HEATR1: variants seen among roughly 807,000 people sequenced by gnomAD.
The protein encoded by HEATR1 is HEAT repeat-containing protein 1.
In HEATR1, 77 loss-of-function variants were observed where a neutral mutation model predicts 248.2. The ratio of observed to expected loss-of-function variants is 0.31; its 90% confidence interval spans 0.26 to 0.37. The LOEUF is 0.37. HEATR1 is among the 10% of genes least tolerant of loss of function. The pLI, the probability that HEATR1 is intolerant of heterozygous loss-of-function variation, is 1.00. For missense variants in HEATR1, 2,420 were observed against 2,504.9 expected, an observed-to-expected ratio of 0.97 and a Z score of 0.72; for synonymous variants, 897 against 923.1, an observed-to-expected ratio of 0.97 and a Z score of 0.51.
At chr1:236,582,949 T>G in intron 18 of HEATR1, 64 bp downstream of exon 18, 1 of 1,604,576 alleles carries the variant, frequency 6.2e-7, no homozygotes, top group Non-Finnish European at 8.5e-7. Flanking sequence ...AGACAGTCAT[T>G]GTGGAGTCAA....
chr1:236,591,309 CATGAT>C (rs1175192948), intron 11 of HEATR1, among the ~76,000 whole-genome samples: 2 of 152,114 alleles, frequency 1.3e-5, no homozygotes, highest in Admixed American at 6.6e-5. Flanking sequence ...AACTCATCTA[CATGAT>C]ATAACAAATA....
intron 4 of HEATR1, among the ~76,000 whole-genome samples, 173 bp downstream of exon 4, chr1:236,599,310 T>G (rs937616473): frequency 5.3e-5 from 8 of 152,160 alleles, no homozygotes; most frequent in African/African-American, 1.9e-4. Context: ...AGATACTAAA[T>G]AAAAGCTAAA....
intron 9 of HEATR1, 98 bp downstream of exon 9, chr1:236,593,914 A>G: frequency 1.3e-6 from 1 of 749,506 alleles, no homozygotes; most frequent in Non-Finnish European, 2.3e-6. Flanking sequence ...AACAAGATAT[A>G]CATTAAAAAG....
chr1:236,578,498 A>G (rs1202430405), intron 20 of HEATR1, among the ~76,000 whole-genome samples: 4 of 152,214 alleles, frequency 2.6e-5, no homozygotes, highest in African/African-American at 9.6e-5. Flanking sequence ...TCTGCTGTCA[A>G]TCAGGATTAC....
chr1:236,601,961 C>A (rs1664337076), intron 3 of HEATR1, among the ~76,000 whole-genome samples: 1 of 104,570 alleles, frequency 9.6e-6, no homozygotes, highest in Admixed American at 1.0e-4. Flanking sequence ...GAAACCCCAT[C>A]TTTACTAAAA....
Position 236,599,601 on chromosome 1 carries a change from T to G in HEATR1, c.383A>C (p.Gln128Pro), listed in dbSNP as rs146181190. 1.2e-6 allele frequency: 2 copies of G among 1,612,852 alleles called. No individual in the cohort carries two copies. The highest frequency in any genetic ancestry group is 4.5e-5 in the East Asian group (2 of 44,822). Residue 128 changes from glutamine to proline, a missense_variant, in exon 4 of 45, where the codon CAA becomes CCA. By Grantham distance (76) the Gln-to-Pro change is moderately conservative (BLOSUM62 -1). Transcript: ENST00000366582. ...IHRFHIHLYN[Q>P]DSLIACVLPY... ...CAGAACACAAGCAATGAGGCTATCT[T>G]GATTATAGAGATGTATATGGAACCT...
rs766193029 is a variant in HEATR1 at position 236,574,285 on chromosome 1, TCTG to T, written c.3373_3375del (p.Gln1125del). 1 of 1,612,578 alleles carries T rather than the reference TCTG, an allele frequency of 6.2e-7. No individual in the cohort carries two copies. Among genetic ancestry groups the T allele is most frequent in the South Asian group, 1.1e-5 (1 of 90,838 alleles). On this transcript the variant is annotated inframe_deletion, in exon 24 of 45. Coordinates refer to ENST00000366582, the MANE Select transcript of HEATR1 (RefSeq NM_018072.6). Reference sequence around the variant, plus strand: ...AAATCAAACAACATTCTTAAAAGCTTCTGCTGAACTTTTTCATCTGATATGGCT... The same window carrying T: ...AAATCAAACAACATTCTTAAAAGCTTCTGAACTTTTTCATCTGATATGGCT...
chr1:236,600,118 ATTTTT>A (rs67344658), intron 3 of HEATR1, among the ~76,000 whole-genome samples: 46 of 50,322 alleles, frequency 9.1e-4, no homozygotes, highest in African/African-American at 3.3e-3. Flanking sequence ...GTCTGTCAAC[ATTTTT>A]TTTTTTTTTT....
chr1:236,574,098 TG>T (rs1331274479), intron 24 of HEATR1, 103 bp downstream of exon 24: 3 of 982,206 alleles, frequency 3.1e-6, no homozygotes, highest in Non-Finnish European at 4.3e-6. Flanking sequence ...TGGTAACATC[TG>T]ACCTCTTACA....
At chr1:236,559,686 G>T (rs1663071199) in intron 34 of HEATR1, 28 bp downstream of exon 34, 4 of 1,568,388 alleles carry the variant, frequency 2.6e-6, no homozygotes, top group Non-Finnish European at 3.5e-6. Flanking sequence ...CAACAAAACA[G>T]TAATTCCAGG....
intron 23 of HEATR1, 31 bp downstream of exon 23, chr1:236,574,630 T>C (rs369928819): frequency 4.9e-5 from 78 of 1,599,264 alleles, no homozygotes; most frequent in Non-Finnish European, 6.1e-5. Flanking sequence ...TTGAACATGC[T>C]ATGCCTTAGT....
intron 9 of HEATR1, among the ~76,000 whole-genome samples, chr1:236,593,618 T>C (rs1472483874): frequency 6.7e-6 from 1 of 149,242 alleles, no homozygotes; most frequent in Non-Finnish European, 1.5e-5. Flanking sequence ...GACTGAATTA[T>C]CTTTAAAGAA....
chr1:236,568,886 A>T (rs948442892), intron 29 of HEATR1, 110 bp downstream of exon 29: 11 of 377,734 alleles, frequency 2.9e-5, no homozygotes, highest in African/African-American at 4.8e-5. Context: ...TGAGGATATT[A>T]AAAAAAAAAA....
intron 3 of HEATR1, among the ~76,000 whole-genome samples, chr1:236,600,504 T>C (rs1423956782): frequency 1.3e-5 from 2 of 151,902 alleles, no homozygotes; most frequent in African/African-American, 2.4e-5. Context: ...ATCGTGTACT[T>C]TTTTTAAACA....
chr1:236,551,959 T>C (rs1190279633), intron 44 of HEATR1, 40 bp downstream of exon 44: 9 of 1,300,576 alleles, frequency 6.9e-6, no homozygotes, highest in Non-Finnish European at 1.0e-5. Flanking sequence ...ACTGAATTAT[T>C]CCTTAATTGT....
At chr1:236,596,132 T>C (rs758790618) in intron 6 of HEATR1, 88 bp from the exon 7 acceptor site, 10 of 959,524 alleles carry the variant, frequency 1.0e-5, no homozygotes, top group East Asian at 7.8e-5. Flanking sequence ...AGAAATGTCA[T>C]AGAGATTAAT....
rs536082119 is a variant in HEATR1 at position 236,581,120 on chromosome 1, T to A, written c.2755+102A>T. The A allele has an allele frequency of 7.3e-6, 7 of 965,446 alleles. No homozygotes were observed. In the African/African-American group the frequency reaches 1.2e-4, roughly 17 times the overall value. 59.8% of individuals were successfully genotyped at this position (965,446 alleles called of 1,614,324 possible). A position where few individuals can be genotyped will look rare whatever the true frequency, so the allele number is the denominator to read the frequency against. On this transcript the variant is annotated intron_variant, in intron 20 of 44. Coordinates refer to ENST00000366582, the MANE Select transcript of HEATR1 (RefSeq NM_018072.6). ...GGCGTGAGATACCGCGCCTGCCCTCTGCTATTTTTTTTTAAGTTATAATTT... is the reference window on the plus strand; with the variant it reads ...GGCGTGAGATACCGCGCCTGCCCTCAGCTATTTTTTTTTAAGTTATAATTT...
At chr1:236,568,704 C>T (rs757666612) in intron 29 of HEATR1, among the ~76,000 whole-genome samples, 3 of 151,964 alleles carry the variant, frequency 2.0e-5, no homozygotes, top group Non-Finnish European at 4.4e-5. Context: ...TTACCCCACC[C>T]GAATGATGTT....
intron 37 of HEATR1, among the ~76,000 whole-genome samples, chr1:236,556,465 G>A (rs189720116): frequency 6.6e-6 from 1 of 152,338 alleles, no homozygotes; most frequent in African/African-American, 2.4e-5. Flanking sequence ...GATCAGGGAC[G>A]AAGGCCGATG....
Sources: allele counts gnomAD v4.1 joint callset (sites outside exome capture counted in the v4.1 genomes callset), GRCh38; gene constraint gnomAD v4.1.1; transcripts MANE v1.5; gene names NCBI Gene and HGNC (gene_info 2026-07-23, HGNC 2026-07-21).